Variants in KDSR observed in about 807,000 individuals in gnomAD.
The protein encoded by KDSR is 3-dehydrosphinganine reductase.
A neutral mutation model predicts 41.3 loss-of-function variants in KDSR; 23 were observed. That is an observed-to-expected ratio of 0.56 (90% confidence interval 0.40 to 0.79). The LOEUF is 0.79. KDSR is among the 30% of genes least tolerant of loss of function. KDSR has a pLI of 0.00. For synonymous variants in KDSR, 138 were observed against 151.7 expected, an observed-to-expected ratio of 0.91 and a Z score of 0.66; for missense variants, 351 against 416.8, an observed-to-expected ratio of 0.84 and a Z score of 1.37.
At chr18:63,338,160 C>A (rs1232608737) in intron 8 of KDSR, among the ~76,000 whole-genome samples, 2 of 152,198 alleles carry the variant, frequency 1.3e-5, no homozygotes, top group African/African-American at 4.8e-5. Flanking sequence ...AGGCTGTCCA[C>A]CATGTGCTGA....
At chr18:63,354,014 A>G (rs78997185) in intron 5 of KDSR, among the ~76,000 whole-genome samples, 1 of 151,582 alleles carries the variant, frequency 6.6e-6, no homozygotes, top group African/African-American at 2.4e-5. Flanking sequence ...TAGGACAATG[A>G]AAAAAAAAGG....
chr18:63,335,784 T>C (rs932817509), intron 8 of KDSR: 12 of 153,032 alleles, frequency 7.8e-5, no homozygotes, highest in African/African-American at 2.7e-4. Context: ...TAAAATTCTT[T>C]TAAAAATCAA....
intron 6 of KDSR, 102 bp from the exon 7 acceptor site, chr18:63,344,595 A>G: frequency 4.1e-6 from 3 of 736,614 alleles, no homozygotes; most frequent in Non-Finnish European, 7.2e-6. Context: ...AAGCGGTGAG[A>G]ACAATGGGGT....
At chr18:63,341,063 T>C (rs1274271197) in intron 7 of KDSR, among the ~76,000 whole-genome samples, 1 of 152,112 alleles carries the variant, frequency 6.6e-6, no homozygotes, top group Non-Finnish European at 1.5e-5. Context: ...GATCATCCTA[T>C]AGTAAACAGC....
chr18:63,338,638 C>T (rs969753292), intron 8 of KDSR, among the ~76,000 whole-genome samples, 162 bp downstream of exon 8: 1 of 152,102 alleles, frequency 6.6e-6, no homozygotes, highest in Non-Finnish European at 1.5e-5. Flanking sequence ...GTCAATAAAG[C>T]GTCTAAAAGA....
In KDSR at chr18:63,328,789, T is replaced by C. The variant is rs1014641243; in HGVS notation, c.*2993A>G. 1 of 184,480 alleles carries C rather than the reference T, an allele frequency of 5.4e-6. No individual in the cohort carries two copies. The highest frequency in any genetic ancestry group is 1.1e-5 in the Non-Finnish European group (1 of 86,966). 11.4% of individuals were successfully genotyped at this position (184,480 alleles called of 1,614,324 possible). On this transcript the variant is annotated 3_prime_UTR_variant, in exon 10 of 10. Coordinates refer to ENST00000645214, the MANE Select transcript of KDSR (RefSeq NM_002035.4). Reference sequence around the variant, plus strand: ...GTCCTTGAACATATTTGGGGATTTTTATGGCTCAATGTTAATTTTTTAATA... The same window carrying C: ...GTCCTTGAACATATTTGGGGATTTTCATGGCTCAATGTTAATTTTTTAATA...
At chr18:63,347,495 C>CAAAAAAAAA (rs36023779) in intron 6 of KDSR, among the ~76,000 whole-genome samples, 7 of 56,970 alleles carry the variant, frequency 1.2e-4, no homozygotes, top group African/African-American at 1.9e-4. Context: ...GACTCCATCT[C>CAAAAAAAAA]AAAAAAAAAA....
chr18:63,344,441 G>C lies in KDSR; in HGVS notation c.662C>G (p.Thr221Arg). The change falls in exon 7 of 10, where the codon ACA becomes AGA. Residue 221 changes from threonine to arginine, a missense_variant. Transcript: ENST00000645214. ...ITVAYPPDTD[T>R]PGFAEENRTK... ...TCTGTTTTCTTCGGCAAAGCCAGGT[G>C]TGTCTGTGTCTGGTGGGTAAGCAAC... is the stretch of plus-strand genomic sequence containing the variant. The C allele has an allele frequency of 6.2e-7, 1 of 1,614,032 alleles. No homozygotes were observed. Among genetic ancestry groups the C allele is most frequent in the Non-Finnish European group, 8.5e-7 (1 of 1,179,876 alleles).
chr18:63,332,187 A>G (rs915858129), intron 9 of KDSR, among the ~76,000 whole-genome samples: 1 of 152,200 alleles, frequency 6.6e-6, no homozygotes, highest in African/African-American at 2.4e-5. Context: ...ATAGCTTTAA[A>G]AAGACCCACT....
At chr18:63,361,642 C>T (rs1340418342) in intron 2 of KDSR, among the ~76,000 whole-genome samples, 1 of 151,970 alleles carries the variant, frequency 6.6e-6, no homozygotes, top group Admixed American at 6.6e-5. Flanking sequence ...TGGTGAAACC[C>T]TGTCTCTACT....
intron 3 of KDSR, 51 bp from the exon 4 acceptor site, chr18:63,355,614 T>C (rs776737883): frequency 1.3e-6 from 2 of 1,500,614 alleles, no homozygotes; most frequent in Non-Finnish European, 1.8e-6. Context: ...CCAAACTATT[T>C]CTTAAAGATA....
intron 7 of KDSR, among the ~76,000 whole-genome samples, chr18:63,343,826 T>C (rs529315184): frequency 6.6e-6 from 1 of 151,810 alleles, no homozygotes; most frequent in South Asian, 2.1e-4. Context: ...ATGGGAGAGA[T>C]GAGGCAAAGG....
chr18:63,337,661 G>A (rs924318606), intron 8 of KDSR, among the ~76,000 whole-genome samples: 2 of 152,126 alleles, frequency 1.3e-5, no homozygotes, highest in Admixed American at 6.6e-5. Context: ...CGGAGCTCAC[G>A]CCTGTAATCC....
At position 63,328,645 on chromosome 18, in the gene KDSR, C is replaced by A; in HGVS notation, c.*3137G>T. ...AAAGTGCTGGGATTACTGGCGTGAGCCACCACGCCCGGCCCAGAGAAAGAT... is the reference window on the plus strand; with the variant it reads ...AAAGTGCTGGGATTACTGGCGTGAGACACCACGCCCGGCCCAGAGAAAGAT... On this transcript the variant is annotated 3_prime_UTR_variant, in exon 10 of 10. Coordinates refer to ENST00000645214, the MANE Select transcript of KDSR (RefSeq NM_002035.4). The A allele has an allele frequency of 6.1e-6, 1 of 165,240 alleles. No individual in the cohort carries two copies. The highest frequency in any genetic ancestry group is 1.3e-4 in the East Asian group (1 of 7,988). The allele number at this position is 165,240 out of a possible 1,614,324, so 10.2% of individuals were successfully genotyped here.
intron 1 of KDSR, 135 bp from the exon 2 acceptor site, chr18:63,363,003 T>C: frequency 1.6e-6 from 1 of 611,584 alleles, no homozygotes; most frequent in South Asian, 2.1e-5. Context: ...AACTTCTTCA[T>C]CCCAAACTTA....
chr18:63,337,113 A>ATATATATATAT lies in KDSR; in HGVS notation c.777+1686_777+1687insATATATATATA, dbSNP rs1555713254. 1.8e-3 allele frequency among the ~76,000 whole-genome samples: 228 copies of ATATATATATAT among 127,718 alleles called. 15 individuals are homozygous for ATATATATATAT. The highest frequency in any genetic ancestry group is 2.0e-3 in the Non-Finnish European group (125 of 61,104). 83.8% of individuals were successfully genotyped at this position (127,718 alleles called of 152,430 possible). On this transcript the variant is annotated intron_variant, in intron 8 of 9. Coordinates refer to ENST00000645214, the MANE Select transcript of KDSR (RefSeq NM_002035.4). ...GTGACTTTATATATATATATATGTGAATATATATATATATATATATATATG... is the reference window on the plus strand; with the variant it reads ...GTGACTTTATATATATATATATGTGATATATATATATATATATATATATATATATATATATG...
At chr18:63,342,847 A>G (rs868025482) in intron 7 of KDSR, among the ~76,000 whole-genome samples, 4 of 152,172 alleles carry the variant, frequency 2.6e-5, no homozygotes, top group South Asian at 4.1e-4. Context: ...CTCAGGTCCA[A>G]CTACAATCCC....
rs547743736 is a variant in KDSR, at chr18:63,353,282, T to C, written c.417+1922A>G. Among the ~76,000 whole-genome samples, 229 of 151,990 alleles carry C rather than the reference T, an allele frequency of 1.5e-3. 1 individual carries two copies. Among genetic ancestry groups the C allele is most frequent in the African/African-American group, 5.2e-3 (215 of 41,472 alleles). ...TTTAGAAACCTTACTAAAATCTCCGTAAAGAGATGTTTTTTAAGGCAAGAA... is the reference window on the plus strand; with the variant it reads ...TTTAGAAACCTTACTAAAATCTCCGCAAAGAGATGTTTTTTAAGGCAAGAA... On this transcript the variant is annotated intron_variant, in intron 5 of 9. Transcript: ENST00000645214.
intron 7 of KDSR, among the ~76,000 whole-genome samples, chr18:63,339,581 C>T (rs930974132): frequency 4.6e-5 from 7 of 152,246 alleles, no homozygotes; most frequent in African/African-American, 1.7e-4. Flanking sequence ...TCTTACCTAA[C>T]TCAAAAAGCC....
Sources: allele counts gnomAD v4.1 joint callset (sites outside exome capture counted in the v4.1 genomes callset), GRCh38; gene constraint gnomAD v4.1.1; transcripts MANE v1.5; gene names NCBI Gene and HGNC (gene_info 2026-07-23, HGNC 2026-07-21).